KCNC2: variants seen among roughly 807,000 people sequenced by gnomAD.
KCNC2 encodes the protein voltage-gated potassium channel KCNC2.
In KCNC2, 21 loss-of-function variants were observed where a neutral mutation model predicts 44.5. The ratio of observed to expected loss-of-function variants is 0.47; its 90% CI spans 0.33 to 0.68. KCNC2 has a LOEUF of 0.68. Ranked by LOEUF, KCNC2 falls within the 30% of genes least tolerant of loss-of-function variation. The pLI is 0.01. For missense variants in KCNC2, 589 were observed against 826.2 expected (o/e 0.71, Z 3.52); for synonymous variants, 391 against 339.1 (o/e 1.15, Z -1.68).
chr12:75,046,059 CAACTGA>C (rs1880472653), intron 4 of KCNC2, among the ~76,000 whole-genome samples: 1 of 151,456 alleles, frequency 6.6e-6, no homozygotes, highest in African/African-American at 2.4e-5. Context: ...ATAAGATAAC[CAACTGA>C]AACGATTAAG....
chr12:75,130,296 C>G (rs1267697741), intron 2 of KCNC2, among the ~76,000 whole-genome samples: 1 of 152,074 alleles, frequency 6.6e-6, no homozygotes, highest in East Asian at 1.9e-4. Context: ...CTCTATGTTT[C>G]TTTCATACTC....
chr12:75,063,498 G>A (rs1882540243), intron 2 of KCNC2, among the ~76,000 whole-genome samples: 1 of 152,056 alleles, frequency 6.6e-6, no homozygotes, highest in South Asian at 2.1e-4. Context: ...CCCCGGAAAA[G>A]CCATTATTCT....
At position 75,043,064 on chromosome 12, in the gene KCNC2, T is replaced by A. The variant is rs766758111; in HGVS notation, c.*41A>T. The A allele has an allele frequency of 4.4e-6, 7 of 1,608,182 alleles. No individual in the cohort carries two copies. The highest frequency in any genetic ancestry group is 5.1e-6 in the Non-Finnish European group (6 of 1,177,042). ...CATTATGGGGTAAACAGCACTTGAA[T>A]TAATACAATTTAGCCGACTGATGCA... On this transcript the variant is annotated 3_prime_UTR_variant, in exon 5 of 5. Coordinates refer to ENST00000549446, the MANE Select transcript of KCNC2 (RefSeq NM_139137.4).
chr12:75,130,662 A>C (rs1004919876), intron 2 of KCNC2, among the ~76,000 whole-genome samples: 4 of 152,280 alleles, frequency 2.6e-5, no homozygotes, highest in African/African-American at 9.6e-5. Flanking sequence ...CATCAGGTGG[A>C]TATTAAAATC....
chr12:75,126,225 TA>T (rs1888414324), intron 2 of KCNC2, among the ~76,000 whole-genome samples: 1 of 152,204 alleles, frequency 6.6e-6, no homozygotes, highest in South Asian at 2.1e-4. Context: ...TTGAAGATGG[TA>T]AAACTAATAG....
At chr12:75,150,140 A>G (rs1057144222) in intron 2 of KCNC2, among the ~76,000 whole-genome samples, 1 of 151,836 alleles carries the variant, frequency 6.6e-6, no homozygotes, top group Non-Finnish European at 1.5e-5. Flanking sequence ...TTCCTATACA[A>G]GCTTTACTCA....
intron 2 of KCNC2, among the ~76,000 whole-genome samples, chr12:75,091,843 A>G (rs1488376065): frequency 6.6e-6 from 1 of 151,718 alleles, no homozygotes; most frequent in Non-Finnish European, 1.5e-5. Flanking sequence ...TTAAGATATA[A>G]TATATGGAAA....
chr12:75,181,001 A>C (rs2960466), intron 2 of KCNC2, among the ~76,000 whole-genome samples: 1 of 152,140 alleles, frequency 6.6e-6, no homozygotes. Flanking sequence ...TTCTCAAACT[A>C]TTTGAACTTC....
intron 2 of KCNC2, among the ~76,000 whole-genome samples, chr12:75,105,951 G>C (rs762589367): frequency 6.6e-6 from 1 of 151,496 alleles, no homozygotes; most frequent in African/African-American, 2.4e-5. Flanking sequence ...CACTTATAGA[G>C]AGAGAGATTG....
chr12:75,197,864 C>T (rs61932904), intron 2 of KCNC2, among the ~76,000 whole-genome samples: 11,886 of 151,814 alleles, frequency 0.078, 538 homozygotes, highest in Admixed American at 0.14. Flanking sequence ...ACTGCACTTA[C>T]ATCTAAAAAA....
intron 2 of KCNC2, among the ~76,000 whole-genome samples, chr12:75,181,527 T>C (rs1892572490): frequency 6.6e-6 from 1 of 152,214 alleles, no homozygotes; most frequent in Admixed American, 6.5e-5. Flanking sequence ...GGTTCCCTAA[T>C]GGACAGTGTC....
In KCNC2 at chr12:75,201,905, C is replaced by T. The variant is rs1466000435; in HGVS notation, c.687+5392G>A. Among the ~76,000 whole-genome samples, 3 of 151,850 alleles carry T rather than the reference C, an allele frequency of 2.0e-5. No homozygotes were observed. In the East Asian group the frequency reaches 5.8e-4, roughly 29 times the overall value. The stretch of plus-strand genomic sequence containing the variant: ...TTTTCTTCTACAGGTCTGTGTTTAT[C>T]TTTAATGCCCTTTACTATTTTATTT... On this transcript the variant is annotated intron_variant, in intron 2 of 4. Transcript: ENST00000549446.
At chr12:75,195,684 T>G (rs1352533894) in intron 2 of KCNC2, among the ~76,000 whole-genome samples, 1 of 152,156 alleles carries the variant, frequency 6.6e-6, no homozygotes, top group African/African-American at 2.4e-5. Context: ...AATAACACAC[T>G]AAACTGTGGC....
intron 2 of KCNC2, among the ~76,000 whole-genome samples, chr12:75,146,751 C>A (rs1184567873): frequency 1.3e-5 from 2 of 152,116 alleles, no homozygotes; most frequent in African/African-American, 4.8e-5. Context: ...TAACTTCCAC[C>A]AGCAGTATAT....
At chr12:75,067,605 C>G (rs1038017110) in intron 2 of KCNC2, among the ~76,000 whole-genome samples, 1 of 152,018 alleles carries the variant, frequency 6.6e-6, no homozygotes, top group African/African-American at 2.4e-5. Flanking sequence ...TTCTACATGG[C>G]TTGCTGTGTT....
At chr12:75,174,458 A>T (rs979169996) in intron 2 of KCNC2, among the ~76,000 whole-genome samples, 7 of 151,912 alleles carry the variant, frequency 4.6e-5, no homozygotes, top group Admixed American at 4.6e-4. Flanking sequence ...TGAATATAAA[A>T]TAGTAGCAAA....
In KCNC2 at chr12:75,048,184, G is replaced by A. The variant is rs1269058186; in HGVS notation, c.1749C>T (p.Tyr583=). The A allele has an allele frequency of 1.2e-6, 2 of 1,612,872 alleles. No individual in the cohort carries two copies. The highest frequency in any genetic ancestry group is 2.2e-5 in the East Asian group (1 of 44,846). The change falls in exon 4 of 5, where the codon TAC becomes TAT. Residue 583 remains tyrosine, a synonymous_variant. Transcript: ENST00000549446. ...TGATCCCTCCATCAGAAGCACACGT[G>A]TAATCACCTGTCGTCAGTAGGAAAC... is the stretch of plus-strand genomic sequence containing the variant. ...ETCFLLTTGD[Y]TCASDGGIRK...
At chr12:75,069,042 G>A (rs1174871234) in intron 2 of KCNC2, among the ~76,000 whole-genome samples, 1 of 143,990 alleles carries the variant, frequency 6.9e-6, no homozygotes, top group African/African-American at 2.6e-5. Context: ...AGATACAAGA[G>A]AAAACACACA....
intron 2 of KCNC2, among the ~76,000 whole-genome samples, chr12:75,175,053 A>C (rs1042195263): frequency 3.0e-4 from 45 of 152,006 alleles, no homozygotes; most frequent in African/African-American, 1.0e-3. Context: ...GAACTTCCAA[A>C]GAAAAAACAG....
Sources: allele counts gnomAD v4.1 joint callset (sites outside exome capture counted in the v4.1 genomes callset), GRCh38; gene constraint gnomAD v4.1.1; transcripts MANE v1.5; gene names NCBI Gene and HGNC (gene_info 2026-07-23, HGNC 2026-07-21).